Variants in CACNA1A observed in about 807,000 individuals in gnomAD.
CACNA1A encodes the protein calcium voltage-gated channel subunit alpha1 A.
CACNA1A carries 57 observed loss-of-function variants against 262.4 expected under a neutral mutation model. The ratio of observed to expected loss-of-function variants is 0.22; its 90% CI spans 0.18 to 0.27. The LOEUF (loss-of-function observed/expected upper bound fraction) is 0.27, where lower values mean the gene tolerates loss of function less well. Ranked by LOEUF, CACNA1A falls within the 10% of genes least tolerant of loss-of-function variation. The probability of loss-of-function intolerance (pLI) is 1.00; values close to 1 mark genes in which losing one functional copy is unlikely to be tolerated. For synonymous variants in CACNA1A, 1,431 were observed against 1,419.3 expected (o/e 1.01, Z -0.18); for missense variants, 2,526 against 3,562.8 (o/e 0.71, Z 7.41).
intron 3 of CACNA1A, among the ~76,000 whole-genome samples, chr19:13,413,306 C>G (rs1382141459): frequency 6.6e-6 from 1 of 151,152 alleles, no homozygotes; most frequent in Non-Finnish European, 1.5e-5. Context: ...TGGGGTTTCA[C>G]TGTGTTAGCC....
At chr19:13,415,365 G>A (rs1335997273) in intron 3 of CACNA1A, among the ~76,000 whole-genome samples, 1 of 152,122 alleles carries the variant, frequency 6.6e-6, no homozygotes, top group Admixed American at 6.6e-5. Context: ...CTGGGGGACA[G>A]GGTGAGAGGC....
intron 3 of CACNA1A, among the ~76,000 whole-genome samples, chr19:13,417,050 T>C (rs1420073806): frequency 1.3e-5 from 2 of 152,170 alleles, no homozygotes; most frequent in African/African-American, 4.8e-5. Context: ...TTTCCAAGAA[T>C]GGCTTTTGAT....
intron 35 of CACNA1A, among the ~76,000 whole-genome samples, chr19:13,231,145 A>G (rs1455032157): frequency 1.3e-5 from 2 of 151,490 alleles, no homozygotes; most frequent in African/African-American, 2.4e-5. Flanking sequence ...CTGGGACTGC[A>G]GGTGCACAGC....
At chr19:13,262,997 C>T (rs2056772506) in intron 24 of CACNA1A, 164 bp from the exon 25 acceptor site, 1 of 624,452 alleles carries the variant, frequency 1.6e-6, no homozygotes, top group Non-Finnish European at 2.9e-6. Flanking sequence ...GTCCATTTCA[C>T]CTGTTAAGCT....
At chr19:13,245,380 A>G in intron 30 of CACNA1A, 115 bp from the exon 31 acceptor site, 3 of 785,266 alleles carry the variant, frequency 3.8e-6, no homozygotes, top group Admixed American at 1.9e-5. Context: ...TGCCCGGGAC[A>G]GTTATGGTTG....
chr19:13,282,567 G>C (rs939068466), intron 22 of CACNA1A, among the ~76,000 whole-genome samples: 1 of 152,108 alleles, frequency 6.6e-6, no homozygotes, highest in African/African-American at 2.4e-5. Flanking sequence ...GTTGGGGGAA[G>C]CAGTGGGAGC....
intron 3 of CACNA1A, among the ~76,000 whole-genome samples, chr19:13,391,906 T>C (rs1472578297): frequency 6.6e-6 from 1 of 151,744 alleles, no homozygotes; most frequent in Non-Finnish European, 1.5e-5. Context: ...GCATGGTGGC[T>C]TGTGCCTGTA....
chr19:13,283,404 A>G lies in CACNA1A; in HGVS notation c.3693-8T>C, dbSNP rs754515229. On this transcript the variant is annotated splice_polypyrimidine_tract_variant and splice_region_variant and intron_variant, in intron 21 of 46. Coordinates refer to ENST00000360228, the MANE Select transcript of CACNA1A (RefSeq NM_001127222.2). ...TGGCACAGGCGGCGAAGGCTGTTGG[A>G]GACAGATGGGCGTGCAGAGGTCCAC... The G allele has an allele frequency of 6.2e-7, 1 of 1,613,850 alleles. No individual in the cohort carries two copies. The highest frequency in any genetic ancestry group is 8.5e-7 in the Non-Finnish European group (1 of 1,179,798).
rs5827184 is a variant in CACNA1A, at chr19:13,268,434, A to AT, written c.3990-5602dup. ...TCCACGACCCCTCTGGAAGTTAGTGATTTTTTTTTTTTTTTTTGAAACGGA... is the reference window on the plus strand; with the variant it reads ...TCCACGACCCCTCTGGAAGTTAGTGATTTTTTTTTTTTTTTTTTGAAACGGA... On this transcript the variant is annotated intron_variant, in intron 24 of 46. Transcript: ENST00000360228. Among the ~76,000 whole-genome samples the AT allele has an allele frequency of 1.9e-3, 259 of 136,000 alleles. 4 individuals carry two copies. The East Asian group carries it at 0.036, about 19-fold the overall frequency. 89.2% of individuals were successfully genotyped at this position (136,000 alleles called of 152,430 possible).
intron 10 of CACNA1A, among the ~76,000 whole-genome samples, chr19:13,329,881 C>G (rs1206811706): frequency 3.3e-5 from 5 of 151,842 alleles, no homozygotes; most frequent in African/African-American, 4.8e-5. Flanking sequence ...CCCAGCTCAG[C>G]CTCGTGACTG....
intron 11 of CACNA1A, 26 bp from the exon 12 acceptor site, chr19:13,312,807 G>A (rs2058058847): frequency 7.8e-7 from 1 of 1,277,168 alleles, no homozygotes; most frequent in Non-Finnish European, 1.1e-6. Flanking sequence ...AGGAAACAGA[G>A]AGGAGGTTAG....
chr19:13,457,237 A>T (rs1308784819), intron 1 of CACNA1A, among the ~76,000 whole-genome samples: 3 of 152,088 alleles, frequency 2.0e-5, no homozygotes, highest in African/African-American at 7.2e-5. Flanking sequence ...GGGCAATGGG[A>T]GTGAGACCCT....
chr19:13,238,860 T>C (rs570155073), intron 31 of CACNA1A, among the ~76,000 whole-genome samples: 2 of 152,278 alleles, frequency 1.3e-5, no homozygotes, highest in South Asian at 4.1e-4. Context: ...GTGCTGGGAT[T>C]AGAGGCTTGA....
At chr19:13,453,070 A>G in intron 2 of CACNA1A, 55 bp from the exon 3 acceptor site, 1 of 1,600,016 alleles carries the variant, frequency 6.2e-7, no homozygotes, top group Admixed American at 1.7e-5. Flanking sequence ...TGTTGACAAG[A>G]TCAGGGAACC....
chr19:13,308,026 T>G lies in CACNA1A; in HGVS notation c.1913+94A>C, dbSNP rs554567402. On this transcript the variant is annotated intron_variant, in intron 14 of 46. Coordinates refer to ENST00000360228, the MANE Select transcript of CACNA1A (RefSeq NM_001127222.2). This position sits in a 1 kb window ranked among gnomAD's most constrained non-coding sequence, Gnocchi z 4.2. ...GGGTGACCGCAATGGGTGTCTGGGC[T>G]ACGAGGAAGGCAGCCTGCACGGTGG... The G allele has an allele frequency of 7.6e-5, 117 of 1,532,840 alleles. No individual in the cohort carries two copies. The highest frequency in any genetic ancestry group is 9.9e-5 in the Non-Finnish European group (111 of 1,121,926). 95.0% of individuals were successfully genotyped at this position (1,532,840 alleles called of 1,614,324 possible). A position where few individuals can be genotyped will look rare whatever the true frequency, so the allele number is the denominator to read the frequency against.
chr19:13,307,759 G>A (rs370230331), intron 15 of CACNA1A, 23 bp downstream of exon 15: 75 of 1,605,980 alleles, frequency 4.7e-5, no homozygotes, highest in African/African-American at 2.0e-4. Context: ...GTGTTGGCCC[G>A]TGGGGCCAGG....
intron 10 of CACNA1A, among the ~76,000 whole-genome samples, chr19:13,323,252 C>T (rs1409476009): frequency 1.3e-5 from 2 of 151,308 alleles, no homozygotes; most frequent in Non-Finnish European, 2.9e-5. Flanking sequence ...GAGTGAGACT[C>T]CCTCTCAAAA....
At chr19:13,228,816 G>T in intron 36 of CACNA1A, 1 of 1,440,836 alleles carries the variant, frequency 6.9e-7, no homozygotes, top group Non-Finnish European at 9.6e-7. Context: ...AAGAAAGGGG[G>T]TTAGTGCAGG....
chr19:13,489,003 CTTTTTTTTT>C (rs896790084), intron 1 of CACNA1A, among the ~76,000 whole-genome samples: 5 of 75,224 alleles, frequency 6.6e-5, no homozygotes, highest in African/African-American at 2.2e-4. Context: ...CTTTTCTTTT[CTTTTTTTTT>C]TTTTTTTTTT....
Sources: gnomAD v4.1 joint callset for allele counts (sites outside exome capture counted in the v4.1 genomes callset) on GRCh38, gnomAD v4.1.1 for gene constraint, Gnocchi (gnomAD v3.1) non-coding constraint, MANE v1.5 for transcripts, NCBI Gene and HGNC (gene_info 2026-07-23, HGNC 2026-07-21) for gene names.